The following NSMCE2 variants were observed in gnomAD, a reference collection of about 807,000 sequenced individuals.
The protein encoded by NSMCE2 is E3 SUMO-protein ligase NSE2.
In NSMCE2, 24 loss-of-function variants were observed where a neutral mutation model predicts 23.8. The observed-to-expected ratio is 1.01, with a 90% CI of 0.73 to 1.42. NSMCE2 has a LOEUF of 1.42. Among genes scored for constraint, NSMCE2 ranks in the 40% most tolerant of loss-of-function variants. NSMCE2 has a pLI of 0.00. For synonymous variants in NSMCE2, 92 were observed against 94.1 expected (o/e 0.98, Z 0.13); for missense variants, 284 against 296.5 (o/e 0.96, Z 0.31).
chr8:125,272,321 A>T (rs1827237726), intron 5 of NSMCE2, among the ~76,000 whole-genome samples: 1 of 151,730 alleles, frequency 6.6e-6, no homozygotes, highest in South Asian at 2.1e-4. Flanking sequence ...GCAAATCTGC[A>T]GTTTCTTCAT....
At chr8:125,304,944 G>T (rs1563773731) in intron 5 of NSMCE2, among the ~76,000 whole-genome samples, 1 of 24,932 alleles carries the variant, frequency 4.0e-5, no homozygotes, top group Non-Finnish European at 6.8e-5. Context: ...AGAAAGGAAG[G>T]AAGGAAGGAA....
intron 4 of NSMCE2, among the ~76,000 whole-genome samples, chr8:125,158,519 G>A (rs570864292): frequency 6.6e-6 from 1 of 152,282 alleles, no homozygotes; most frequent in East Asian, 1.9e-4. Flanking sequence ...AGCACTCCAG[G>A]TAGGTACTGA....
At chr8:125,242,433 G>C (rs1825798508) in intron 5 of NSMCE2, among the ~76,000 whole-genome samples, 1 of 152,106 alleles carries the variant, frequency 6.6e-6, no homozygotes, top group African/African-American at 2.4e-5. Flanking sequence ...TCCCACTCCA[G>C]TTGTATCACC....
intron 4 of NSMCE2, among the ~76,000 whole-genome samples, chr8:125,160,533 G>C (rs939454869): frequency 2.0e-5 from 3 of 152,186 alleles, no homozygotes; most frequent in Non-Finnish European, 4.4e-5. Context: ...CAGAATCAGG[G>C]GAACTGGGCC....
chr8:125,258,051 G>A (rs1390144559), intron 5 of NSMCE2, among the ~76,000 whole-genome samples: 1 of 152,214 alleles, frequency 6.6e-6, no homozygotes, highest in Non-Finnish European at 1.5e-5. Flanking sequence ...AAAAGAAGAT[G>A]TGATTCATGT....
In NSMCE2 at chr8:125,265,282, C is replaced by T. The variant is rs931715215; in HGVS notation, c.418+83026C>T. ...TGTTGCCCAGGCTGGAGTACAACGG[C>T]AAGATCTTGGCTCACTGCAACCTCC... is the stretch of plus-strand genomic sequence containing the variant. On this transcript the variant is annotated intron_variant, in intron 5 of 7. Transcript: ENST00000287437. 4.7e-4 allele frequency among the ~76,000 whole-genome samples: 71 copies of T among 151,022 alleles called. 1 individual carries two copies. The highest frequency in any genetic ancestry group is 7.4e-5 in the Non-Finnish European group (5 of 67,914).
chr8:125,156,228 G>A, intron 4 of NSMCE2: 1 of 172,280 alleles, frequency 5.8e-6, no homozygotes, highest in South Asian at 1.1e-4. Flanking sequence ...ATGATCCTTA[G>A]TTGTGTAGTT....
chr8:125,226,571 G>T (rs977940401), intron 5 of NSMCE2, among the ~76,000 whole-genome samples: 1 of 152,150 alleles, frequency 6.6e-6, no homozygotes, highest in African/African-American at 2.4e-5. Context: ...CTCAGGCCTT[G>T]TGATCCACTC....
At chr8:125,254,242 C>A (rs1826317556) in intron 5 of NSMCE2, among the ~76,000 whole-genome samples, 1 of 152,126 alleles carries the variant, frequency 6.6e-6, no homozygotes, top group South Asian at 2.1e-4. Flanking sequence ...AAACAAAAGT[C>A]TTTTGCATTT....
chr8:125,208,594 C>T (rs961654741), intron 5 of NSMCE2, among the ~76,000 whole-genome samples: 11 of 152,072 alleles, frequency 7.2e-5, no homozygotes, highest in Admixed American at 3.3e-4. Context: ...GAAATATAAA[C>T]TGAGTGCTGT....
chr8:125,309,040 T>C (rs1828870406), intron 5 of NSMCE2, among the ~76,000 whole-genome samples: 1 of 151,000 alleles, frequency 6.6e-6, no homozygotes, highest in African/African-American at 2.4e-5. Flanking sequence ...AGGTCAAGAG[T>C]TCAAGACCAG....
chr8:125,206,905 G>A (rs141590775), intron 5 of NSMCE2, among the ~76,000 whole-genome samples: 17 of 152,266 alleles, frequency 1.1e-4, no homozygotes, highest in African/African-American at 3.9e-4. Context: ...AAGAAGAAGA[G>A]GCAGAGCCAG....
At chr8:125,178,202 C>A (rs2384882) in intron 4 of NSMCE2, among the ~76,000 whole-genome samples, 10,090 of 152,256 alleles carry the variant, frequency 0.066, 434 homozygotes, top group South Asian at 0.15. Context: ...GTCTTTCTCG[C>A]TGCCTGTTGG....
At position 125,333,553 on chromosome 8, in the gene NSMCE2, C is replaced by G. The variant is rs370560109; in HGVS notation, c.419-23666C>G. Among the ~76,000 whole-genome samples, 29 of 100,464 alleles carry G rather than the reference C, an allele frequency of 2.9e-4. No homozygotes were observed. The East Asian group carries it at 5.8e-3, about 20-fold the overall frequency. 65.9% of individuals were successfully genotyped at this position (100,464 alleles called of 152,430 possible). ...TTTTTGAGACGGAGTCTCGCTCTGT[C>G]GCCCAGGCTGGAGTGCAGTGGCGCG... is the stretch of plus-strand genomic sequence containing the variant. On this transcript the variant is annotated intron_variant, in intron 5 of 7. Transcript: ENST00000287437.
At chr8:125,339,568 T>C (rs373339988) in intron 5 of NSMCE2, among the ~76,000 whole-genome samples, 2 of 152,188 alleles carry the variant, frequency 1.3e-5, no homozygotes, top group African/African-American at 4.8e-5. Flanking sequence ...TATTCCCTAG[T>C]GTATCATAAT....
chr8:125,252,570 T>C (rs1187223552), intron 5 of NSMCE2, among the ~76,000 whole-genome samples: 2 of 152,194 alleles, frequency 1.3e-5, no homozygotes, highest in Admixed American at 6.5e-5. Flanking sequence ...AAGATTTATA[T>C]TTTCTTGCAT....
intron 3 of NSMCE2, among the ~76,000 whole-genome samples, chr8:125,106,273 G>A (rs1818453857): frequency 1.3e-5 from 2 of 152,112 alleles, no homozygotes; most frequent in East Asian, 3.8e-4. Context: ...CAGAAAAGAT[G>A]TTATAAAGCT....
intron 5 of NSMCE2, among the ~76,000 whole-genome samples, chr8:125,342,028 G>C (rs376487105): frequency 2.6e-5 from 4 of 152,172 alleles, no homozygotes; most frequent in Non-Finnish European, 4.4e-5. Context: ...GTGGTGGGGG[G>C]GTTAAGGGGA....
At chr8:125,132,684 G>A (rs1304680314) in intron 3 of NSMCE2, among the ~76,000 whole-genome samples, 3 of 151,974 alleles carry the variant, frequency 2.0e-5, no homozygotes, top group Non-Finnish European at 2.9e-5. Flanking sequence ...TAGTAGAGAT[G>A]GGGTTTTGCC....
Sources: allele counts gnomAD v4.1 joint callset (sites outside exome capture counted in the v4.1 genomes callset), GRCh38; gene constraint gnomAD v4.1.1; transcripts MANE v1.5; gene names NCBI Gene and HGNC (gene_info 2026-07-23, HGNC 2026-07-21).